Variants in MYO18B observed in about 807,000 individuals in gnomAD.
MYO18B encodes the protein unconventional myosin-XVIIIb.
In MYO18B, 204 loss-of-function variants were observed where a neutral mutation model predicts 273.0. The observed-to-expected ratio is 0.75, with a 90% CI of 0.67 to 0.84. The LOEUF (loss-of-function observed/expected upper bound fraction) is 0.84, where lower values mean the gene tolerates loss of function less well. Among genes scored for constraint, MYO18B ranks in the 40% least tolerant of loss-of-function variants. MYO18B has a pLI of 0.00. For synonymous variants in MYO18B, 1,330 were observed against 1,305.7 expected (o/e 1.02, Z -0.40); for missense variants, 3,212 against 3,287.6 (o/e 0.98, Z 0.56).
At chr22:26,057,925 T>A in the MYO18B span, among the ~76,000 whole-genome samples, 8 of 152,158 alleles carry the variant, frequency 5.3e-5, no homozygotes, top group Non-Finnish European at 1.2e-4. Flanking sequence ...TCATCACCCT[T>A]ATAACCAAAT....
intron 39 of MYO18B, among the ~76,000 whole-genome samples, chr22:25,976,047 T>C (rs1163994520): frequency 6.6e-6 from 1 of 152,138 alleles, no homozygotes; most frequent in Non-Finnish European, 1.5e-5. Context: ...TGGGGGTGAT[T>C]TTGTCCCCCC....
chr22:25,811,593 G>T (rs1161859963), intron 12 of MYO18B, among the ~76,000 whole-genome samples: 1 of 152,166 alleles, frequency 6.6e-6, no homozygotes, highest in Non-Finnish European at 1.5e-5. Context: ...ATGCCAGTGG[G>T]TTCACACCAC....
At chr22:25,810,642 C>T (rs972385796) in intron 12 of MYO18B, among the ~76,000 whole-genome samples, 1 of 151,258 alleles carries the variant, frequency 6.6e-6, no homozygotes, top group African/African-American at 2.4e-5. Flanking sequence ...TACTATGTTG[C>T]TCAGGTTGGT....
chr22:26,061,835 A>G, the MYO18B span, among the ~76,000 whole-genome samples: 14 of 152,270 alleles, frequency 9.2e-5, no homozygotes, highest in East Asian at 2.5e-3. Flanking sequence ...TCAACATTTG[A>G]ATCTTGGCCC....
chr22:25,847,948 T>TACACACACACACAC (rs59375568), intron 20 of MYO18B, among the ~76,000 whole-genome samples: 1 of 146,176 alleles, frequency 6.8e-6, no homozygotes, highest in Non-Finnish European at 1.5e-5. Flanking sequence ...CACACACACA[T>TACACACACACACAC]ACACACACAC....
chr22:26,000,370 C>A (rs1933835896), intron 40 of MYO18B, among the ~76,000 whole-genome samples: 2 of 152,138 alleles, frequency 1.3e-5, no homozygotes, highest in Non-Finnish European at 2.9e-5. Context: ...CCTCCTAGGT[C>A]TCTCTTCTTG....
At chr22:26,051,597 T>G in the MYO18B span, among the ~76,000 whole-genome samples, 2 of 152,182 alleles carry the variant, frequency 1.3e-5, no homozygotes, top group Non-Finnish European at 2.9e-5. Flanking sequence ...AAAATTTCAT[T>G]ATAAAGTAAG....
chr22:25,742,904 T>G (rs1332589959), intron 1 of MYO18B, among the ~76,000 whole-genome samples: 1 of 152,256 alleles, frequency 6.6e-6, no homozygotes, highest in Non-Finnish European at 1.5e-5. Context: ...GCACCCCGGA[T>G]AGCAGGCATT....
rs2072017 is a variant in MYO18B, at chr22:25,902,907, T to C, written c.4947+171T>C. ...TAATAAAATAGCAAATGGTGGCTGG[T>C]AAATTGATAATCAGACTTTGAGCAA... On this transcript the variant is annotated intron_variant, in intron 30 of 43. Transcript: ENST00000335473. The C allele has an allele frequency of 0.89, 611,016 of 686,920 alleles. 273,224 individuals are homozygous for C. The highest frequency in any genetic ancestry group is 0.96 in the Middle Eastern group (2,458 of 2,548). 42.6% of individuals were successfully genotyped at this position (686,920 alleles called of 1,614,324 possible).
chr22:25,867,860 T>C (rs1172216266), intron 21 of MYO18B, among the ~76,000 whole-genome samples: 1 of 152,152 alleles, frequency 6.6e-6, no homozygotes, highest in Non-Finnish European at 1.5e-5. Context: ...CTCGATCTCC[T>C]GACCTCGTGA....
chr22:26,022,527 G>A (rs1363581429), intron 42 of MYO18B, among the ~76,000 whole-genome samples: 1 of 152,198 alleles, frequency 6.6e-6, no homozygotes, highest in Non-Finnish European at 1.5e-5. Flanking sequence ...CACTTGCAGA[G>A]ATGTAGGTGG....
At chr22:25,777,448 G>C (rs1289793621) in intron 7 of MYO18B, 135 bp from the exon 8 acceptor site, 1 of 823,578 alleles carries the variant, frequency 1.2e-6, no homozygotes, top group Non-Finnish European at 1.8e-6. Flanking sequence ...GAGTAGGAAG[G>C]GAGTCAGGGA....
chr22:25,780,236 G>C, intron 9 of MYO18B, 38 bp downstream of exon 9: 1 of 1,576,188 alleles, frequency 6.3e-7, no homozygotes. Flanking sequence ...GGGCCCTTGG[G>C]GCTGCTGTGT....
chr22:25,978,528 G>C (rs1466955584), intron 39 of MYO18B, among the ~76,000 whole-genome samples: 1 of 152,218 alleles, frequency 6.6e-6, no homozygotes, highest in South Asian at 2.1e-4. Flanking sequence ...GGGACTGTGG[G>C]AACTGAGAAG....
Position 25,851,699 on chromosome 22 carries a change from A to G in MYO18B, c.3885+120A>G, listed in dbSNP as rs2090433034. 1.2e-5 allele frequency: 9 copies of G among 751,418 alleles called. No individual in the cohort carries two copies. The South Asian group carries it at 1.4e-4, about 12-fold the overall frequency. 46.5% of individuals were successfully genotyped at this position (751,418 alleles called of 1,614,324 possible). On this transcript the variant is annotated intron_variant, in intron 21 of 43. Coordinates refer to ENST00000335473, the MANE Select transcript of MYO18B (RefSeq NM_032608.7). ...GCCTGTAATCTCAGTGCTTTGGGAT[A>G]CCCAGGTGGGTGGATCACTTGAGTC...
At chr22:26,045,572 G>A in the MYO18B span, among the ~76,000 whole-genome samples, 2 of 152,134 alleles carry the variant, frequency 1.3e-5, no homozygotes, top group African/African-American at 2.4e-5. Context: ...TCAAGCATTG[G>A]GCAGAACAGC....
At chr22:25,978,084 G>A (rs2093111975) in intron 39 of MYO18B, among the ~76,000 whole-genome samples, 1 of 152,168 alleles carries the variant, frequency 6.6e-6, no homozygotes, top group Admixed American at 6.5e-5. Flanking sequence ...AGGTATTTGG[G>A]ATATAAGGCC....
At chr22:25,949,275 A>G (rs2269645) in intron 36 of MYO18B, among the ~76,000 whole-genome samples, 5,465 of 152,216 alleles carry the variant, frequency 0.036, 322 homozygotes, top group African/African-American at 0.12. Flanking sequence ...GTGCTCAGTA[A>G]ATCACTGTTG....
chr22:25,763,054 C>G (rs906573611), intron 2 of MYO18B, 177 bp from the exon 3 acceptor site: 1 of 785,688 alleles, frequency 1.3e-6, no homozygotes, highest in Admixed American at 1.7e-5. Context: ...TGCGCTGTCT[C>G]AGGGACCCCC....
Sources: gnomAD v4.1 joint callset for allele counts (sites outside exome capture counted in the v4.1 genomes callset) on GRCh38, gnomAD v4.1.1 for gene constraint, MANE v1.5 for transcripts, NCBI Gene and HGNC (gene_info 2026-07-23, HGNC 2026-07-21) for gene names.